The following CREBBP variants were observed in gnomAD, a reference collection of about 807,000 sequenced individuals.
CREBBP encodes the protein CREB binding lysine acetyltransferase.
Under a neutral mutation model 265.0 loss-of-function variants are expected in CREBBP, and 19 were observed. The ratio of observed to expected loss-of-function variants is 0.07; its 90% CI spans 0.05 to 0.11. The LOEUF (loss-of-function observed/expected upper bound fraction) is 0.11. Ranked by LOEUF, CREBBP falls within the 10% of genes least tolerant of loss-of-function variation. The pLI, the probability that CREBBP is intolerant of heterozygous loss-of-function variation, is 1.00. For synonymous variants in CREBBP, 1,457 were observed against 1,223.7 expected (o/e 1.19, Z -3.98); for missense variants, 2,525 against 3,219.0 (o/e 0.78, Z 5.22).
At chr16:3,868,336 C>T (rs964308612) in intron 1 of CREBBP, among the ~76,000 whole-genome samples, 1 of 129,334 alleles carries the variant, frequency 7.7e-6, no homozygotes, top group Admixed American at 7.4e-5. Flanking sequence ...AGTTCCAGTT[C>T]TTAAGCTGCT....
At chr16:3,797,572 C>G (rs1444629976) in intron 3 of CREBBP, among the ~76,000 whole-genome samples, 1 of 152,058 alleles carries the variant, frequency 6.6e-6, no homozygotes, top group African/African-American at 2.4e-5. Flanking sequence ...TAACAATACA[C>G]TGTAATAAAA....
chr16:3,829,882 T>C (rs540573215), intron 2 of CREBBP, among the ~76,000 whole-genome samples: 1 of 151,944 alleles, frequency 6.6e-6, no homozygotes, highest in Non-Finnish European at 1.5e-5. Flanking sequence ...ATGACAGAGA[T>C]GTTGGAATTT....
Position 3,729,194 on chromosome 16 carries a change from G to C in CREBBP, c.5853C>G (p.Pro1951=). 1 of 1,533,212 alleles carries C rather than the reference G, an allele frequency of 6.5e-7. No homozygotes were observed. Among genetic ancestry groups the C allele is most frequent in the Non-Finnish European group, 8.7e-7 (1 of 1,145,660 alleles). 95.0% of individuals were successfully genotyped at this position (1,533,212 alleles called of 1,614,324 possible). Residue 1951 remains proline, a synonymous_variant, in exon 31 of 31, where the codon CCC becomes CCG. Coordinates refer to ENST00000262367, the MANE Select transcript of CREBBP (RefSeq NM_004380.3). ...GAGCCGCTTCCACCGCTGCAGGAGG[G>C]GGCTGGGCCGGGGGTGGGGGGGCCG... ...QVPAPPPPAQ[P]PPAAVEAARQ... is the part of the protein sequence containing the mutation.
intron 16 of CREBBP, among the ~76,000 whole-genome samples, chr16:3,760,619 G>T (rs963688558): frequency 2.6e-5 from 4 of 151,782 alleles, no homozygotes; most frequent in African/African-American, 9.7e-5. Context: ...GGCCAGGTTG[G>T]TCTCAAACTC....
In CREBBP at chr16:3,729,217, C is replaced by T. The variant is rs2151307935; in HGVS notation, c.5830G>A (p.Ala1944Thr). The change falls in exon 31 of 31, where the codon GCC becomes ACC. Residue 1944 changes from alanine to threonine, a missense_variant. Ala to Thr is a moderately conservative substitution (Grantham distance 58). Around this residue, in one of 19 missense-constraint regions of CREBBP, gnomAD observed 275 missense variants for 276.5 expected, o/e 0.99. Coordinates refer to ENST00000262367, the MANE Select transcript of CREBBP (RefSeq NM_004380.3). The stretch of plus-strand genomic sequence containing the variant: ...GGGGGCTGGGCCGGGGGTGGGGGGG[C>T]CGGCACCTGGCTGGTAGGCTTCCCT... The part of the protein sequence containing the change: ...STGKPTSQVP[A>T]PPPPAQPPPA... 1 of 1,524,792 alleles carries T rather than the reference C, an allele frequency of 6.6e-7. No homozygotes were observed. The highest frequency in any genetic ancestry group is 8.8e-7 in the Non-Finnish European group (1 of 1,142,190). The allele number at this position is 1,524,792 out of a possible 1,614,324, so 94.5% of individuals were successfully genotyped here. A position where few individuals can be genotyped will look rare whatever the true frequency, so the allele number is the denominator to read the frequency against.
At chr16:3,753,686 A>C (rs574259408) in intron 19 of CREBBP, among the ~76,000 whole-genome samples, 2 of 152,216 alleles carry the variant, frequency 1.3e-5, no homozygotes, top group Non-Finnish European at 2.9e-5. Context: ...AGAAGGAATT[A>C]AAGTACAGAA....
rs117597214 is a variant in CREBBP, at chr16:3,872,166, A to G, written c.85+7666T>C. On this transcript the variant is annotated intron_variant, in intron 1 of 30. Transcript: ENST00000262367. ...CCTTGCTTCCTAAATTTAGAACCAG[A>G]AAACACCCTAAAGGCAGTATTTTAA... Among the ~76,000 whole-genome samples, 351 of 152,320 alleles carry G rather than the reference A, an allele frequency of 2.3e-3. 3 individuals are homozygous for G. Among genetic ancestry groups the G allele is most frequent in the Non-Finnish European group, 3.6e-3 (246 of 68,022 alleles).
intron 1 of CREBBP, among the ~76,000 whole-genome samples, chr16:3,872,698 A>C (rs747846408): frequency 1.3e-5 from 2 of 152,242 alleles, no homozygotes; most frequent in African/African-American, 2.4e-5. Context: ...CCTAGGAGAG[A>C]CGGGACAACC....
At chr16:3,759,441 C>T (rs968497807) in intron 16 of CREBBP, among the ~76,000 whole-genome samples, 1 of 151,848 alleles carries the variant, frequency 6.6e-6, no homozygotes, top group Non-Finnish European at 1.5e-5. Flanking sequence ...ACAAATTTAG[C>T]CTGGTGTGTG....
At chr16:3,874,277 G>A (rs992691743) in intron 1 of CREBBP, among the ~76,000 whole-genome samples, 3 of 152,220 alleles carry the variant, frequency 2.0e-5, no homozygotes, top group Non-Finnish European at 4.4e-5. Context: ...ACCCAAGCTA[G>A]CCTGCTGCTC....
intron 26 of CREBBP, among the ~76,000 whole-genome samples, chr16:3,737,504 G>C (rs536248314): frequency 1.9e-4 from 29 of 151,442 alleles, no homozygotes; most frequent in Non-Finnish European, 2.5e-4. Flanking sequence ...TTGTTGCCCA[G>C]GGTGGAGTGC....
chr16:3,745,202 A>T, intron 22 of CREBBP, 75 bp downstream of exon 22: 1 of 1,257,314 alleles, frequency 8.0e-7, no homozygotes. Context: ...AATGAATGAG[A>T]TGCAGTAGCC....
intron 16 of CREBBP, among the ~76,000 whole-genome samples, chr16:3,762,362 T>C (rs1038709095): frequency 4.3e-5 from 2 of 45,992 alleles, no homozygotes; most frequent in Non-Finnish European, 1.1e-4. Flanking sequence ...TTTTCTTTCC[T>C]TTTTTTTTTT....
chr16:3,853,263 T>C (rs1376142262), intron 1 of CREBBP, among the ~76,000 whole-genome samples: 1 of 152,202 alleles, frequency 6.6e-6, no homozygotes, highest in African/African-American at 2.4e-5. Context: ...AAGTACTGTC[T>C]ATTATTATTA....
rs2151318981 is a variant in CREBBP at position 3,731,813 on chromosome 16, G to A, written c.4853C>T (p.Ser1618Phe). Residue 1618 changes from serine to phenylalanine, a missense_variant, in exon 29 of 31, where the codon TCC becomes TTC. Around this residue, in one of 19 missense-constraint regions of CREBBP, gnomAD observed 93 missense variants for 161.5 expected, o/e 0.58. Coordinates refer to ENST00000262367, the MANE Select transcript of CREBBP (RefSeq NM_004380.3). This position sits in a 1 kb window ranked among gnomAD's most constrained non-coding sequence, Gnocchi z 7.7. ...PSMPNVSNDL[S>F]QKLYATMEKH... ...CTCCATGGTGGCATACAGCTTCTGG[G>A]ACAGGTCATTGGACACGTTGGGCAT... is the stretch of plus-strand genomic sequence containing the variant. 1 of 1,614,260 alleles carries A rather than the reference G, an allele frequency of 6.2e-7. No individual in the cohort carries two copies. Among genetic ancestry groups the A allele is most frequent in the Non-Finnish European group, 8.5e-7 (1 of 1,180,044 alleles).
In CREBBP at chr16:3,728,843, T is replaced by C. The variant is rs2151305513; in HGVS notation, c.6204A>G (p.Gln2068=). Residue 2068 remains glutamine (Q), a synonymous_variant, in exon 31 of 31, where the codon CAA becomes CAG. Coordinates refer to ENST00000262367, the MANE Select transcript of CREBBP (RefSeq NM_004380.3). The surrounding 1 kb of genome is among the most constrained non-coding windows in gnomAD (Gnocchi z 8.7). ...GCGACTTCAGGGTCCGCAGCAGGTC[T>C]TGCAGAGCGCTGGGTGAGATGCTCC... The part of the protein sequence containing the change: ...PPRSISPSAL[Q]DLLRTLKSPS... The C allele has an allele frequency of 6.2e-7, 1 of 1,613,374 alleles. No homozygotes were observed. The highest frequency in any genetic ancestry group is 8.5e-7 in the Non-Finnish European group (1 of 1,179,950).
intron 6 of CREBBP, among the ~76,000 whole-genome samples, chr16:3,782,316 T>C (rs960958298): frequency 6.6e-6 from 1 of 152,134 alleles, no homozygotes; most frequent in Non-Finnish European, 1.5e-5. Context: ...CCAAGATGTG[T>C]GAGAAACTGG....
chr16:3,849,388 T>C (rs1016485945), intron 2 of CREBBP, among the ~76,000 whole-genome samples: 23 of 1,612 alleles, frequency 0.014, 1 homozygote, highest in Non-Finnish European at 0.12. Context: ...CGTGTGTGTG[T>C]GTGTGTGTGT....
At chr16:3,776,089 G>C (rs925014179) in intron 11 of CREBBP, among the ~76,000 whole-genome samples, 1 of 152,006 alleles carries the variant, frequency 6.6e-6, no homozygotes, top group African/African-American at 2.4e-5. Flanking sequence ...GCTAAATTTT[G>C]TATTTTTAAT....
Sources: gnomAD v4.1 joint callset for allele counts (sites outside exome capture counted in the v4.1 genomes callset) on GRCh38, gnomAD v4.1.1 for gene constraint, gnomAD v4.1.1 regional missense constraint, Gnocchi (gnomAD v3.1) non-coding constraint, MANE v1.5 for transcripts, NCBI Gene and HGNC (gene_info 2026-07-23, HGNC 2026-07-21) for gene names.